Variants in GRIK4 observed in about 807,000 individuals in gnomAD.
GRIK4 encodes the protein glutamate receptor ionotropic, kainate 4.
GRIK4 carries 40 observed loss-of-function variants against 104.9 expected under a neutral mutation model. That is an observed-to-expected ratio of 0.38 (90% CI 0.30 to 0.50). The LOEUF (loss-of-function observed/expected upper bound fraction) is 0.50. Among genes scored for constraint, GRIK4 ranks in the 20% least tolerant of loss-of-function variants. The probability of loss-of-function intolerance (pLI) is 0.93; values close to 1 mark genes in which losing one functional copy is unlikely to be tolerated. For missense variants in GRIK4, 1,047 were observed against 1,308.1 expected, an observed-to-expected ratio of 0.80 and a Z score of 3.08; for synonymous variants, 485 against 524.9, an observed-to-expected ratio of 0.92 and a Z score of 1.04.
intron 14 of GRIK4, among the ~76,000 whole-genome samples, chr11:120,948,797 A>C (rs1943926790): frequency 6.6e-6 from 1 of 152,206 alleles, no homozygotes; most frequent in Non-Finnish European, 1.5e-5. Flanking sequence ...CACGGCTACC[A>C]TTAGACAGAA....
At chr11:120,793,801 T>G (rs1591921392) in intron 3 of GRIK4, among the ~76,000 whole-genome samples, 1 of 121,406 alleles carries the variant, frequency 8.2e-6, no homozygotes. Context: ...TGTTTAGAGG[T>G]GAGGGGAGGT....
intron 11 of GRIK4, among the ~76,000 whole-genome samples, chr11:120,895,137 C>T (rs1942542752): frequency 6.6e-6 from 1 of 152,096 alleles, no homozygotes; most frequent in Non-Finnish European, 1.5e-5. Context: ...TGGCTTTTAC[C>T]TGTCTCATGG....
chr11:120,565,069 C>G (rs1297732158), intron 1 of GRIK4, among the ~76,000 whole-genome samples: 1 of 152,180 alleles, frequency 6.6e-6, no homozygotes, highest in Non-Finnish European at 1.5e-5. Context: ...GTGAGTCTGT[C>G]GCACGCACGT....
chr11:120,645,891 C>T (rs988643337), intron 1 of GRIK4, among the ~76,000 whole-genome samples: 1 of 152,192 alleles, frequency 6.6e-6, no homozygotes, highest in African/African-American at 2.4e-5. Flanking sequence ...ACCCTCCTGC[C>T]GGGTTTTGTT....
intron 3 of GRIK4, among the ~76,000 whole-genome samples, chr11:120,796,033 G>A (rs1205698567): frequency 3.2e-5 from 3 of 92,920 alleles, no homozygotes; most frequent in Non-Finnish European, 5.8e-5. Context: ...TTTTTTTCCT[G>A]AATTTTTTTT....
At chr11:120,981,540 G>A (rs1364723244) in intron 19 of GRIK4, among the ~76,000 whole-genome samples, 1 of 152,176 alleles carries the variant, frequency 6.6e-6, no homozygotes, top group East Asian at 1.9e-4. Context: ...AGCTTTCTAG[G>A]CAGTTCTGAT....
In GRIK4 at chr11:120,605,428, A is replaced by C. The variant is rs1948947364; in HGVS notation, c.-158-48257A>C. On this transcript the variant is annotated intron_variant, in intron 1 of 20. Transcript: ENST00000527524. Reference sequence around the variant, plus strand: ...TGAGCCTCATTTTCCTCATCAGTTAAATAAGACAAATACTACTTACAGCAT... The same window carrying C: ...TGAGCCTCATTTTCCTCATCAGTTACATAAGACAAATACTACTTACAGCAT... Among the ~76,000 whole-genome samples, 4 of 152,198 alleles carry C rather than the reference A, an allele frequency of 2.6e-5. 1 individual carries two copies. In the South Asian group the frequency reaches 8.3e-4, roughly 31 times the overall value.
At chr11:120,774,081 G>A (rs1951995425) in intron 3 of GRIK4, among the ~76,000 whole-genome samples, 1 of 152,178 alleles carries the variant, frequency 6.6e-6, no homozygotes, top group African/African-American at 2.4e-5. Context: ...ACCCTCAGAA[G>A]GTACAGCCAA....
chr11:120,637,445 T>C (rs1949412942), intron 1 of GRIK4, among the ~76,000 whole-genome samples: 1 of 151,992 alleles, frequency 6.6e-6, no homozygotes, highest in Admixed American at 6.6e-5. Context: ...ATGGAACAGG[T>C]TATTCTTTCT....
chr11:120,569,863 C>T (rs1948376033), intron 1 of GRIK4, among the ~76,000 whole-genome samples: 1 of 152,206 alleles, frequency 6.6e-6, no homozygotes, highest in South Asian at 2.1e-4. Flanking sequence ...CCCATACTCC[C>T]AAAGACCACA....
At chr11:120,917,353 G>A (rs542890172) in intron 13 of GRIK4, among the ~76,000 whole-genome samples, 70 of 151,828 alleles carry the variant, frequency 4.6e-4, no homozygotes, top group Non-Finnish European at 8.8e-4. Context: ...TCAGCAGACA[G>A]TGATTTAACA....
chr11:120,605,280 T>C (rs528011653), intron 1 of GRIK4, among the ~76,000 whole-genome samples: 13 of 152,338 alleles, frequency 8.5e-5, no homozygotes, highest in African/African-American at 2.9e-4. Flanking sequence ...GGCACCAGCA[T>C]CACTCATGCA....
intron 3 of GRIK4, among the ~76,000 whole-genome samples, chr11:120,702,816 G>A (rs577094554): frequency 2.6e-5 from 4 of 152,308 alleles, no homozygotes; most frequent in South Asian, 2.1e-4. Context: ...GCCTGAGGAC[G>A]TTTCTATCTG....
Position 120,941,684 on chromosome 11 carries a change from C to G in GRIK4, c.1590+1224C>G, listed in dbSNP as rs553084404. ...AACACAGACACATAGAGGAGAATGCCTTGGGAATTCGAAGGCAGAGATTGG... is the reference window on the plus strand; with the variant it reads ...AACACAGACACATAGAGGAGAATGCGTTGGGAATTCGAAGGCAGAGATTGG... On this transcript the variant is annotated intron_variant, in intron 14 of 20. Coordinates refer to ENST00000527524, the MANE Select transcript of GRIK4 (RefSeq NM_014619.5). Among the ~76,000 whole-genome samples, 6 of 152,148 alleles carry G rather than the reference C, an allele frequency of 3.9e-5. No homozygotes were observed. In the South Asian group the frequency reaches 6.3e-4, roughly 16 times the overall value.
intron 6 of GRIK4, among the ~76,000 whole-genome samples, chr11:120,824,259 G>A (rs1404561031): frequency 6.6e-6 from 1 of 152,172 alleles, no homozygotes; most frequent in Non-Finnish European, 1.5e-5. Flanking sequence ...ATTTGCAAGT[G>A]CCTGTTTCTG....
chr11:120,615,913 T>C (rs1762621693), intron 1 of GRIK4, among the ~76,000 whole-genome samples: 1 of 151,966 alleles, frequency 6.6e-6, no homozygotes, highest in African/African-American at 2.4e-5. Context: ...TGGGATCTAG[T>C]ATCCCTTCCA....
At chr11:120,598,238 C>G (rs544188265) in intron 1 of GRIK4, among the ~76,000 whole-genome samples, 4 of 152,182 alleles carry the variant, frequency 2.6e-5, no homozygotes, top group Non-Finnish European at 5.9e-5. Context: ...TCCATCCATT[C>G]TCTCATTTCT....
In GRIK4 at chr11:120,527,883, C is replaced by T. The variant is rs187620110; in HGVS notation, c.-159+15996C>T. ...AGCCTCACCTCCTCTGGGAGGCCTG[C>T]TCTGGTTAACCCCTTCAGCTGCTTT... On this transcript the variant is annotated intron_variant, in intron 1 of 20. Transcript: ENST00000527524. Among the ~76,000 whole-genome samples, 25 of 152,378 alleles carry T rather than the reference C, an allele frequency of 1.6e-4. No homozygotes were observed. In the East Asian group the frequency reaches 4.8e-3, roughly 29 times the overall value.
intron 19 of GRIK4, among the ~76,000 whole-genome samples, chr11:120,973,033 C>T (rs1944518): frequency 0.25 from 38,705 of 152,032 alleles, 6,107 homozygotes; most frequent in Admixed American, 0.38. Flanking sequence ...ATGACACAAC[C>T]GCAAACCTGA....
Sources: allele counts gnomAD v4.1 joint callset (sites outside exome capture counted in the v4.1 genomes callset), GRCh38; gene constraint gnomAD v4.1.1; transcripts MANE v1.5; gene names NCBI Gene and HGNC (gene_info 2026-07-23, HGNC 2026-07-21).